Variants in ANO6 observed in about 807,000 individuals in gnomAD.
ANO6 encodes the protein anoctamin 6, also known as anoctamin-6.
Under a neutral mutation model 117.5 loss-of-function variants are expected in ANO6, and 106 were observed. The observed-to-expected ratio is 0.90, with a 90% CI of 0.77 to 1.06. ANO6 has a LOEUF of 1.06. Ranked by LOEUF, ANO6 falls within the 50% of genes least tolerant of loss-of-function variation. The probability of loss-of-function intolerance (pLI) is 0.00; values close to 1 mark genes in which losing one functional copy is unlikely to be tolerated. For missense variants in ANO6, 955 were observed against 1,121.1 expected, an observed-to-expected ratio of 0.85 and a Z score of 2.12; for synonymous variants, 367 against 385.1, an observed-to-expected ratio of 0.95 and a Z score of 0.55.
intron 2 of ANO6, among the ~76,000 whole-genome samples, chr12:45,328,587 T>C (rs550742900): frequency 2.0e-5 from 3 of 152,154 alleles, no homozygotes; most frequent in African/African-American, 7.2e-5. Context: ...CTGCATAGCA[T>C]GTAAATAAAA....
At chr12:45,411,113 TA>T (rs1165339126) in intron 16 of ANO6, among the ~76,000 whole-genome samples, 1 of 152,232 alleles carries the variant, frequency 6.6e-6, no homozygotes, top group Admixed American at 6.5e-5. Context: ...ACAGCATTTT[TA>T]AAAATCCTGG....
intron 2 of ANO6, among the ~76,000 whole-genome samples, chr12:45,302,632 T>C (rs544286766): frequency 6.6e-6 from 1 of 152,296 alleles, no homozygotes; most frequent in Admixed American, 6.5e-5. Context: ...TTAGCCATGG[T>C]TCCTACCCTT....
chr12:45,245,214 G>A (rs1565642489), intron 1 of ANO6, among the ~76,000 whole-genome samples: 1 of 152,118 alleles, frequency 6.6e-6, no homozygotes, highest in Non-Finnish European at 1.5e-5. Context: ...GCTGGTAATG[G>A]AGTTCTGTAA....
intron 16 of ANO6, among the ~76,000 whole-genome samples, chr12:45,412,382 C>G (rs1284433710): frequency 6.6e-6 from 1 of 152,188 alleles, no homozygotes; most frequent in African/African-American, 2.4e-5. Context: ...ACCTTGATCT[C>G]ACTTTCATCT....
intron 2 of ANO6, chr12:45,313,195 G>A (rs146805203): frequency 1.3e-5 from 2 of 152,058 alleles, no homozygotes; most frequent in East Asian, 1.9e-4. Flanking sequence ...TTCCTTTTTT[G>A]TAGGTGAAAG....
chr12:45,248,495 A>G (rs1421220676), intron 1 of ANO6, among the ~76,000 whole-genome samples: 2 of 141,234 alleles, frequency 1.4e-5, no homozygotes, highest in African/African-American at 5.5e-5. Context: ...GTGGAGTGGC[A>G]TGATCTCGGT....
chr12:45,404,085 G>C (rs1295010533), intron 15 of ANO6, among the ~76,000 whole-genome samples: 1 of 152,158 alleles, frequency 6.6e-6, no homozygotes, highest in Non-Finnish European at 1.5e-5. Context: ...AGCATTAAGA[G>C]ACTACTGTAG....
At chr12:45,306,329 A>T (rs962708857) in intron 2 of ANO6, among the ~76,000 whole-genome samples, 4 of 152,210 alleles carry the variant, frequency 2.6e-5, no homozygotes, top group Non-Finnish European at 5.9e-5. Flanking sequence ...GGAATAAATA[A>T]TAAGAAAGAA....
intron 2 of ANO6, among the ~76,000 whole-genome samples, chr12:45,319,816 C>T (rs959491639): frequency 6.6e-6 from 1 of 152,056 alleles, no homozygotes; most frequent in African/African-American, 2.4e-5. Context: ...ATCTATTGAG[C>T]GATTCAACTT....
chr12:45,409,504 G>A lies in ANO6; in HGVS notation c.2011+17G>A. The A allele has an allele frequency of 6.2e-7, 1 of 1,611,514 alleles. No individual in the cohort carries two copies. The highest frequency in any genetic ancestry group is 8.5e-7 in the Non-Finnish European group (1 of 1,179,228). On this transcript the variant is annotated intron_variant, in intron 16 of 19. Coordinates refer to ENST00000320560, the MANE Select transcript of ANO6 (RefSeq NM_001025356.3). ...TTGAAATGAGTAAGTTGTTAGTGAA[G>A]TTTTTAGTGATATAAAACATGTTAG...
rs776562239 is a variant in ANO6, at chr12:45,388,152, C to A, written c.1166-9C>A. 2 of 1,613,760 alleles carry A rather than the reference C, an allele frequency of 1.2e-6. No individual in the cohort carries two copies. Among genetic ancestry groups the A allele is most frequent in the Non-Finnish European group, 1.7e-6 (2 of 1,179,758 alleles). On this transcript the variant is annotated splice_polypyrimidine_tract_variant and intron_variant, in intron 10 of 19. Coordinates refer to ENST00000320560, the MANE Select transcript of ANO6 (RefSeq NM_001025356.3). Reference sequence around the variant, plus strand: ...AAAATCCACACAAGCTCTTCTGTCTCTCTGTTAGTTACCTTGTTTTTGGAG... The same window carrying A: ...AAAATCCACACAAGCTCTTCTGTCTATCTGTTAGTTACCTTGTTTTTGGAG...
At chr12:45,378,839 G>A (rs1165712383) in intron 10 of ANO6, among the ~76,000 whole-genome samples, 1 of 152,088 alleles carries the variant, frequency 6.6e-6, no homozygotes. Flanking sequence ...ACTTCTATGT[G>A]AGCGGATATT....
chr12:45,226,007 C>G (rs142727740), intron 1 of ANO6, among the ~76,000 whole-genome samples: 309 of 150,866 alleles, frequency 2.0e-3, no homozygotes, highest in Non-Finnish European at 3.6e-3. Flanking sequence ...ATTTTTTTTT[C>G]TTTAGTTTTG....
chr12:45,318,425 A>C (rs889010034), intron 2 of ANO6, among the ~76,000 whole-genome samples: 5 of 151,992 alleles, frequency 3.3e-5, no homozygotes, highest in Admixed American at 2.6e-4. Flanking sequence ...TCAAAGATCA[A>C]ATAGTTGTAG....
At chr12:45,382,115 A>G (rs1469852856) in intron 10 of ANO6, among the ~76,000 whole-genome samples, 1 of 152,190 alleles carries the variant, frequency 6.6e-6, no homozygotes. Flanking sequence ...AATACAGTGT[A>G]TATTAATGAA....
In ANO6 at chr12:45,343,964, G is replaced by A. The variant is rs566626784; in HGVS notation, c.280-3058G>A. Among the ~76,000 whole-genome samples the A allele has an allele frequency of 2.5e-4, 38 of 152,218 alleles. 1 individual carries two copies. Among genetic ancestry groups the A allele is most frequent in the Admixed American group, 1.3e-3 (20 of 15,284 alleles). On this transcript the variant is annotated intron_variant, in intron 3 of 19. Transcript: ENST00000320560. ...CCTGGAGCCAGGTAGTCTGGTTGGC[G>A]GGGCCTAGCTCGAGTGCCAGTAGCT...
chr12:45,344,690 A>C (rs1256813284), intron 3 of ANO6, among the ~76,000 whole-genome samples: 1 of 152,176 alleles, frequency 6.6e-6, no homozygotes, highest in Non-Finnish European at 1.5e-5. Context: ...TCGGGCATAT[A>C]CTGGTGAATG....
At chr12:45,239,519 TG>T (rs1462036317) in intron 1 of ANO6, among the ~76,000 whole-genome samples, 97 of 143,234 alleles carry the variant, frequency 6.8e-4, no homozygotes, top group Admixed American at 3.3e-3. Context: ...TTTTTTTTTT[TG>T]AAGGGTTTTT....
At chr12:45,418,601 C>A (rs1462003214) in intron 17 of ANO6, among the ~76,000 whole-genome samples, 2 of 152,148 alleles carry the variant, frequency 1.3e-5, no homozygotes. Flanking sequence ...CCAGAAAATT[C>A]AGTTGACTCA....
Sources: allele counts gnomAD v4.1 joint callset (sites outside exome capture counted in the v4.1 genomes callset), GRCh38; gene constraint gnomAD v4.1.1; transcripts MANE v1.5; gene names NCBI Gene and HGNC (gene_info 2026-07-23, HGNC 2026-07-21).